ADRA1B: variants seen among roughly 807,000 people sequenced by gnomAD.
ADRA1B encodes the protein adrenoceptor alpha 1B, also known as alpha-1B adrenergic receptor.
ADRA1B carries 17 observed loss-of-function variants against 17.9 expected under a neutral mutation model. The ratio of observed to expected loss-of-function variants is 0.95; its 90% CI spans 0.65 to 1.42. ADRA1B has a LOEUF of 1.42. Ranked by LOEUF, ADRA1B falls within the 40% of genes most tolerant of loss-of-function variation. The pLI, the probability that ADRA1B is intolerant of heterozygous loss-of-function variation, is 0.00. For missense variants in ADRA1B, 681 were observed against 722.1 expected (o/e 0.94, Z 0.65); for synonymous variants, 366 against 327.6 (o/e 1.12, Z -1.27).
At chr5:159,916,220 C>T (rs1303327482), upstream of ADRA1B, 1 of 152,260 alleles carries the variant, frequency 6.6e-6, no homozygotes, top group Non-Finnish European at 1.5e-5. Context: ...GGAAGAGTGA[C>T]TAGCGGGGAA....
At chr5:159,936,759 A>G (rs539811845) in intron 1 of ADRA1B, among the ~76,000 whole-genome samples, 1 of 152,320 alleles carries the variant, frequency 6.6e-6, no homozygotes, top group African/African-American at 2.4e-5. Context: ...GCCCCTGTTC[A>G]CAAGGACTGG....
chr5:159,986,698 G>A, the ADRA1B span, among the ~76,000 whole-genome samples: 1 of 152,168 alleles, frequency 6.6e-6, no homozygotes, highest in Non-Finnish European at 1.5e-5. Context: ...TTGGTCCATG[G>A]ACCAGATATT....
chr5:159,944,541 G>A (rs1003734917), intron 1 of ADRA1B, among the ~76,000 whole-genome samples: 2 of 152,200 alleles, frequency 1.3e-5, no homozygotes, highest in African/African-American at 4.8e-5. Context: ...TTGTCAAAGG[G>A]CCACTAATAA....
chr5:159,951,025 G>C (rs1755424620), intron 1 of ADRA1B: 1 of 686,256 alleles, frequency 1.5e-6, no homozygotes, highest in East Asian at 2.9e-5. Flanking sequence ...CCTCGCCCAG[G>C]GGCACTAAGC....
In ADRA1B at chr5:159,930,248, G is replaced by A. The variant is rs143557488; in HGVS notation, c.949+12394G>A. ...ATAAATTCCTAAAAATGTAGTTGCT[G>A]GGGCAAGGAAGATTTGGTATTTTAG... On this transcript the variant is annotated intron_variant, in intron 1 of 1. Coordinates refer to ENST00000306675, the MANE Select transcript of ADRA1B (RefSeq NM_000679.4). Among the ~76,000 whole-genome samples, 22 of 152,356 alleles carry A rather than the reference G, an allele frequency of 1.4e-4. 1 individual carries two copies. In the East Asian group the frequency reaches 4.0e-3, roughly 28 times the overall value.
intron 1 of ADRA1B, among the ~76,000 whole-genome samples, chr5:159,964,844 C>T (rs896244512): frequency 1.3e-5 from 2 of 152,184 alleles, no homozygotes; most frequent in African/African-American, 2.4e-5. Context: ...GCGGTGCTGG[C>T]AGTTGTAACA....
the ADRA1B span, among the ~76,000 whole-genome samples, chr5:159,983,920 T>A: frequency 2.6e-5 from 4 of 152,058 alleles, no homozygotes; most frequent in Non-Finnish European, 4.4e-5. Flanking sequence ...TGCCATCCAC[T>A]GAAGATGGCT....
intron 1 of ADRA1B, among the ~76,000 whole-genome samples, chr5:159,963,659 G>C (rs1245021871): frequency 6.6e-6 from 1 of 152,206 alleles, no homozygotes; most frequent in African/African-American, 2.4e-5. Context: ...CTGGCACAGA[G>C]TCAGAGCTTG....
chr5:159,907,568 T>G (rs1754175357), intron 1 of ADRA1B, among the ~76,000 whole-genome samples: 1 of 151,892 alleles, frequency 6.6e-6, no homozygotes, highest in Non-Finnish European at 1.5e-5. Flanking sequence ...AGCTGAGAGA[T>G]TAACAGAGAA....
chr5:159,894,055 C>T (rs12186709), intron 1 of ADRA1B, among the ~76,000 whole-genome samples: 41,706 of 152,122 alleles, frequency 0.27, 6,048 homozygotes, highest in Non-Finnish European at 0.32. Flanking sequence ...GAATATCCAC[C>T]TACCTGGCAA....
chr5:159,879,596 T>C (rs1753834911), intron 1 of ADRA1B, among the ~76,000 whole-genome samples: 2 of 152,164 alleles, frequency 1.3e-5, no homozygotes, highest in Admixed American at 6.5e-5. Context: ...TCTGTGCATA[T>C]CTACCTGCAT....
intron 1 of ADRA1B, among the ~76,000 whole-genome samples, chr5:159,897,775 C>T (rs1056784744): frequency 1.3e-5 from 2 of 152,196 alleles, no homozygotes; most frequent in African/African-American, 4.8e-5. Flanking sequence ...GTCTGGGTTA[C>T]ATGATCCTGA....
chr5:159,928,418 C>T (rs939552895), intron 1 of ADRA1B, among the ~76,000 whole-genome samples: 11 of 152,214 alleles, frequency 7.2e-5, no homozygotes, highest in Admixed American at 3.9e-4. Flanking sequence ...CCTTTGAACA[C>T]TCAAGTGCCC....
intron 1 of ADRA1B, among the ~76,000 whole-genome samples, chr5:159,901,973 T>A (rs2113121306): frequency 6.6e-6 from 1 of 152,282 alleles, no homozygotes; most frequent in Non-Finnish European, 1.5e-5. Flanking sequence ...GGAACTACCA[T>A]ATGATGCAAT....
chr5:159,960,930 GAA>G (rs915530517), intron 1 of ADRA1B, among the ~76,000 whole-genome samples: 9 of 152,208 alleles, frequency 5.9e-5, no homozygotes, highest in African/African-American at 2.2e-4. Flanking sequence ...GGCACAGAGA[GAA>G]GAGTCAGACA....
rs748447792 is a variant in ADRA1B at position 159,972,105 on chromosome 5, G to C, written c.1176G>C (p.Thr392=). Residue 392 remains threonine, a synonymous_variant, in exon 2 of 2, where the codon ACG becomes ACC. Transcript: ENST00000306675. The part of the protein sequence containing the change: ...GGCAYTYRPW[T]RGGSLERSQS... ...GCGCCTACACCTACCGGCCGTGGAC[G>C]CGCGGCGGCTCGCTGGAGCGCTCGC... 7.0e-5 allele frequency: 91 copies of C among 1,294,598 alleles called. No individual in the cohort carries two copies. The highest frequency in any genetic ancestry group is 8.4e-5 in the Non-Finnish European group (85 of 1,015,294). 80.2% of individuals were successfully genotyped at this position (1,294,598 alleles called of 1,614,324 possible).
chr5:159,879,384 G>A (rs1370371442), intron 1 of ADRA1B, among the ~76,000 whole-genome samples: 2 of 152,164 alleles, frequency 1.3e-5, no homozygotes, highest in Non-Finnish European at 2.9e-5. Flanking sequence ...AAGCACGACG[G>A]TGGGAATGAC....
At chr5:159,943,689 G>A (rs1019209134) in intron 1 of ADRA1B, among the ~76,000 whole-genome samples, 1 of 151,990 alleles carries the variant, frequency 6.6e-6, no homozygotes, top group Non-Finnish European at 1.5e-5. Context: ...GGATTTCAGG[G>A]GTTGGGGAGA....
At chr5:159,904,849 A>G (rs1754141800) in intron 1 of ADRA1B, among the ~76,000 whole-genome samples, 1 of 152,244 alleles carries the variant, frequency 6.6e-6, no homozygotes, top group South Asian at 2.1e-4. Context: ...TTCAGACCCT[A>G]ACACAGTGCT....
Sources: gnomAD v4.1 joint callset for allele counts (sites outside exome capture counted in the v4.1 genomes callset) on GRCh38, gnomAD v4.1.1 for gene constraint, MANE v1.5 for transcripts, NCBI Gene and HGNC (gene_info 2026-07-23, HGNC 2026-07-21) for gene names.